BPHL: variants seen among roughly 807,000 people sequenced by gnomAD.
BPHL encodes serine hydrolase BPHL.
Under a neutral mutation model 31.2 loss-of-function variants are expected in BPHL, and 27 were observed. The observed-to-expected ratio is 0.87, with a 90% CI of 0.64 to 1.19. BPHL has a LOEUF of 1.19. Ranked by LOEUF, BPHL falls within the 50% of genes most tolerant of loss-of-function variation. BPHL has a pLI of 0.00. For synonymous variants in BPHL, 150 were observed against 146.8 expected, an observed-to-expected ratio of 1.02 and a Z score of -0.16; for missense variants, 356 against 375.7, an observed-to-expected ratio of 0.95 and a Z score of 0.43.
chr6:3,127,756 A>G (rs1210687533), intron 3 of BPHL, among the ~76,000 whole-genome samples: 1 of 151,928 alleles, frequency 6.6e-6, no homozygotes, highest in African/African-American at 2.4e-5. Context: ...ATATGCATTT[A>G]TACTAGTTGT....
chr6:3,123,250 C>T (rs1011485597), intron 1 of BPHL, among the ~76,000 whole-genome samples: 1 of 152,198 alleles, frequency 6.6e-6, no homozygotes, highest in Non-Finnish European at 1.5e-5. Context: ...GTTCTGGAGG[C>T]GACTCATTCA....
chr6:3,123,940 G>A, intron 2 of BPHL, 180 bp downstream of exon 2: 1 of 470,730 alleles, frequency 2.1e-6, no homozygotes, highest in Non-Finnish European at 3.7e-6. Flanking sequence ...GTTCAGAATT[G>A]GATTTTTTAT....
rs536050058 is a variant in BPHL, at chr6:3,137,968, C to A, written c.664+475C>A. On this transcript the variant is annotated intron_variant, in intron 5 of 6. Transcript: ENST00000380379. ...TGAGGAAGAAAATATTCTGTTTTTT[C>A]CATCTTCAGAACTAAGTGATATGAC... 46 of 1,274,906 alleles carry A rather than the reference C, an allele frequency of 3.6e-5. 2 individuals carry two copies. The highest frequency in any genetic ancestry group is 3.1e-4 in the African/African-American group (20 of 65,420). The allele number at this position is 1,274,906 out of a possible 1,614,324, so 79.0% of individuals were successfully genotyped here. A position where few individuals can be genotyped will look rare whatever the true frequency, so the allele number is the denominator to read the frequency against.
chr6:3,132,137 C>G (rs887434760), intron 4 of BPHL, among the ~76,000 whole-genome samples: 1 of 152,146 alleles, frequency 6.6e-6, no homozygotes, highest in African/African-American at 2.4e-5. Flanking sequence ...CTTTTTCATC[C>G]CCCATCCTCT....
chr6:3,138,117 C>T, intron 5 of BPHL: 1 of 726,722 alleles, frequency 1.4e-6, no homozygotes, highest in South Asian at 1.5e-5. Context: ...CTCCTGGGTT[C>T]AAGCGATTGC....
At chr6:3,148,010 CT>C (rs1762427867) in intron 6 of BPHL, among the ~76,000 whole-genome samples, 1 of 152,240 alleles carries the variant, frequency 6.6e-6, no homozygotes, top group Non-Finnish European at 1.5e-5. Flanking sequence ...GGGCCTCTGC[CT>C]TTATTCAGTC....
At chr6:3,142,646 T>G (rs376182754) in intron 6 of BPHL, among the ~76,000 whole-genome samples, 2 of 152,028 alleles carry the variant, frequency 1.3e-5, no homozygotes, top group African/African-American at 4.8e-5. Flanking sequence ...AGTAAATAAT[T>G]AATCTTAGAT....
At chr6:3,138,094 C>T (rs1024608931) in intron 5 of BPHL, 1 of 890,644 alleles carries the variant, frequency 1.1e-6, no homozygotes, top group Non-Finnish European at 1.6e-6. Flanking sequence ...TCTCAGCTCA[C>T]TGCAATCTCT....
chr6:3,125,071 G>A (rs1186016879), intron 2 of BPHL, among the ~76,000 whole-genome samples: 3 of 148,668 alleles, frequency 2.0e-5, no homozygotes, highest in Admixed American at 6.7e-5. Flanking sequence ...TTTTTTGAGA[G>A]GGAGTCTCAC....
intron 6 of BPHL, chr6:3,150,011 A>G (rs893023800): frequency 2.0e-5 from 3 of 152,252 alleles, no homozygotes; most frequent in Admixed American, 6.5e-5. Flanking sequence ...AAAAGGGGCT[A>G]TTGGCAACCA....
chr6:3,118,574 G>A, upstream of BPHL: 1 of 473,114 alleles, frequency 2.1e-6, no homozygotes, highest in Non-Finnish European at 3.4e-6. Context: ...TCGCCCATGG[G>A]AAAGCACCCG....
At chr6:3,118,660 G>A, upstream of BPHL, 5 of 1,015,450 alleles carry the variant, frequency 4.9e-6, no homozygotes, top group Non-Finnish European at 6.4e-6. Flanking sequence ...AGCAGAGGGC[G>A]TGGCTTCGGG....
At chr6:3,148,557 C>T (rs965449959) in intron 6 of BPHL, among the ~76,000 whole-genome samples, 4 of 152,232 alleles carry the variant, frequency 2.6e-5, no homozygotes, top group East Asian at 1.9e-4. Context: ...CCAGCCTGGA[C>T]GCAGTGGTTT....
chr6:3,132,104 A>G (rs1044753910), intron 4 of BPHL, among the ~76,000 whole-genome samples: 3 of 152,002 alleles, frequency 2.0e-5, no homozygotes, highest in Non-Finnish European at 4.4e-5. Context: ...ACGTCTCGCT[A>G]CTTCCCCTCC....
chr6:3,151,988 C>T (rs1762536490), intron 6 of BPHL, among the ~76,000 whole-genome samples: 1 of 152,154 alleles, frequency 6.6e-6, no homozygotes, highest in South Asian at 2.1e-4. Flanking sequence ...TGATTTGGAA[C>T]CTTGAGCAGC....
intron 6 of BPHL, among the ~76,000 whole-genome samples, chr6:3,141,385 G>A (rs1762170821): frequency 2.0e-5 from 3 of 151,314 alleles, no homozygotes; most frequent in South Asian, 2.1e-4. Flanking sequence ...GTTTTTTTTT[G>A]GAGTCGGAGT....
Position 3,118,902 on chromosome 6 carries a change from G to A in BPHL, c.107+55G>A, listed in dbSNP as rs1357359906. ...CCCAGCATCGGCGCGCTCGAGGGGC[G>A]GCGGGAGGGGCGCGTGCCGACAGCA... On this transcript the variant is annotated intron_variant, in intron 1 of 6. Transcript: ENST00000380379. 7.5e-6 allele frequency: 9 copies of A among 1,202,930 alleles called. 1 individual carries two copies. In the African/African-American group the frequency reaches 1.3e-4, roughly 17 times the overall value. 74.5% of individuals were successfully genotyped at this position (1,202,930 alleles called of 1,614,324 possible).
At chr6:3,145,560 GT>G (rs1392038330) in intron 6 of BPHL, among the ~76,000 whole-genome samples, 9 of 74,344 alleles carry the variant, frequency 1.2e-4, no homozygotes, top group African/African-American at 2.4e-4. Flanking sequence ...GCTGGTGTGG[GT>G]TGGAGTGCTG....
chr6:3,152,523 A>C lies in BPHL; in HGVS notation c.824A>C (p.His275Pro). ...ATGCCAGAAGGCAAACACAACCTGCATTTGCGTTTTGCAGATGAATTCAAC... is the reference window on the plus strand; with the variant it reads ...ATGCCAGAAGGCAAACACAACCTGCCTTTGCGTTTTGCAGATGAATTCAAC... ...HLMPEGKHNL[H>P]LRFADEFNKL... Residue 275 changes from histidine to proline, a missense_variant, in exon 7 of 7, where the codon CAT becomes CCT. By Grantham distance (77) the His-to-Pro change is moderately conservative. Coordinates refer to ENST00000380379, the MANE Select transcript of BPHL (RefSeq NM_004332.4). 6.2e-7 allele frequency: 1 copy of C among 1,613,372 alleles called. No homozygotes were observed. Among genetic ancestry groups the C allele is most frequent in the South Asian group, 1.1e-5 (1 of 90,894 alleles).
Sources: allele counts gnomAD v4.1 joint callset (sites outside exome capture counted in the v4.1 genomes callset), GRCh38; gene constraint gnomAD v4.1.1; transcripts MANE v1.5; gene names NCBI Gene and HGNC (gene_info 2026-07-23, HGNC 2026-07-21).